Variants in PIP4K2A observed in about 807,000 individuals in gnomAD.
The protein encoded by PIP4K2A is phosphatidylinositol 5-phosphate 4-kinase type-2 alpha.
In PIP4K2A, 14 loss-of-function variants were observed where a neutral mutation model predicts 42.9. That is an observed-to-expected ratio of 0.33 (90% CI 0.22 to 0.51). The LOEUF (loss-of-function observed/expected upper bound fraction) is 0.51. Ranked by LOEUF, PIP4K2A falls within the 20% of genes least tolerant of loss-of-function variation. The pLI, the probability that PIP4K2A is intolerant of heterozygous loss-of-function variation, is 0.97. For missense variants in PIP4K2A, 434 were observed against 519.8 expected (o/e 0.83, Z 1.61); for synonymous variants, 192 against 192.2 (o/e 1.00, Z 0.01).
At chr10:22,551,089 T>G (rs1323054473) in intron 6 of PIP4K2A, among the ~76,000 whole-genome samples, 2 of 152,228 alleles carry the variant, frequency 1.3e-5, no homozygotes, top group Admixed American at 6.5e-5. Context: ...AGACTCACTT[T>G]CTTACAAGAA....
Position 22,637,765 on chromosome 10 carries a change from G to A in PIP4K2A, c.145-28048C>T, listed in dbSNP as rs149038748. On this transcript the variant is annotated intron_variant, in intron 1 of 9. Transcript: ENST00000376573. The stretch of plus-strand genomic sequence containing the variant: ...ACAAGCCACCAAAGCAAAGCAACTC[G>A]GCCACAAAGAGTGTAAAATCCCACA... Among the ~76,000 whole-genome samples the A allele has an allele frequency of 1.2e-3, 185 of 152,208 alleles. 2 individuals carry two copies. The highest frequency in any genetic ancestry group is 4.1e-3 in the African/African-American group (171 of 41,524).
intron 1 of PIP4K2A, among the ~76,000 whole-genome samples, chr10:22,623,658 T>C (rs1174017088): frequency 1.3e-5 from 2 of 152,158 alleles, no homozygotes; most frequent in Non-Finnish European, 2.9e-5. Context: ...TTGCAACCAA[T>C]TGTAGGTTAC....
intron 6 of PIP4K2A, 46 bp from the exon 7 acceptor site, chr10:22,550,818 C>A: frequency 8.4e-7 from 1 of 1,190,616 alleles, no homozygotes. Flanking sequence ...TGAAGAAAAC[C>A]TAAAAAAACC....
At chr10:22,704,169 A>G (rs1439608146) in intron 1 of PIP4K2A, among the ~76,000 whole-genome samples, 1 of 152,220 alleles carries the variant, frequency 6.6e-6, no homozygotes, top group Non-Finnish European at 1.5e-5. Flanking sequence ...TCATGTAGGT[A>G]AAGTAAATGT....
intron 3 of PIP4K2A, among the ~76,000 whole-genome samples, chr10:22,595,919 T>A (rs1837623738): frequency 1.3e-5 from 2 of 152,078 alleles, no homozygotes; most frequent in Non-Finnish European, 2.9e-5. Flanking sequence ...AAAATGGATT[T>A]ACTCAGCCGG....
chr10:22,591,795 G>A lies in PIP4K2A; in HGVS notation c.340-14C>T, dbSNP rs897737363. 1 of 1,597,978 alleles carries A rather than the reference G, an allele frequency of 6.3e-7. No individual in the cohort carries two copies. On this transcript the variant is annotated splice_polypyrimidine_tract_variant and intron_variant, in intron 3 of 9. Coordinates refer to ENST00000376573, the MANE Select transcript of PIP4K2A (RefSeq NM_005028.5). ...GGTCAGGGAATTCTTCCCGGGTGGG[G>A]TAAGAGGGGAAGGAAGGCGGGGGAA...
chr10:22,592,541 G>A (rs1185703558), intron 3 of PIP4K2A, among the ~76,000 whole-genome samples: 1 of 152,136 alleles, frequency 6.6e-6, no homozygotes, highest in South Asian at 2.1e-4. Context: ...GAGAACTACT[G>A]ATCTCCTGGA....
intron 1 of PIP4K2A, among the ~76,000 whole-genome samples, chr10:22,666,712 CT>C (rs2130849540): frequency 6.6e-6 from 1 of 152,216 alleles, no homozygotes; most frequent in East Asian, 1.9e-4. Flanking sequence ...TTCTTTTTTT[CT>C]TTCTGCAGGC....
intron 1 of PIP4K2A, among the ~76,000 whole-genome samples, chr10:22,712,989 A>T (rs892235551): frequency 1.3e-5 from 2 of 151,602 alleles, no homozygotes; most frequent in African/African-American, 4.9e-5. Flanking sequence ...TGTCATTTCC[A>T]TTACGCTGAA....
At chr10:22,541,334 G>C (rs765157614) in intron 8 of PIP4K2A, among the ~76,000 whole-genome samples, 53 of 152,298 alleles carry the variant, frequency 3.5e-4, no homozygotes, top group South Asian at 1.0e-3. Context: ...GACAAGCTAA[G>C]GGTCACAGAG....
At chr10:22,636,036 C>G (rs1224414480) in intron 1 of PIP4K2A, among the ~76,000 whole-genome samples, 2 of 152,096 alleles carry the variant, frequency 1.3e-5, no homozygotes, top group Non-Finnish European at 2.9e-5. Flanking sequence ...TTATTTAAAG[C>G]TTTAGGAAAA....
rs138329802 is a variant in PIP4K2A, at chr10:22,593,139, T to C, written c.340-1358A>G. ...TGCAGGGGTTTACGCAGGCCCTACC[T>C]ATGCCTGAAGAGAAAAGTGGCCCAT... On this transcript the variant is annotated intron_variant, in intron 3 of 9. Transcript: ENST00000376573. 8.8e-3 allele frequency among the ~76,000 whole-genome samples: 1,346 copies of C among 152,306 alleles called. 17 individuals are homozygous for C. Among genetic ancestry groups the C allele is most frequent in the African/African-American group, 0.03 (1,242 of 41,552 alleles).
Position 22,536,228 on chromosome 10 carries a change from T to G in PIP4K2A, c.*973A>C. 2.5e-6 allele frequency: 1 copy of G among 397,754 alleles called. No homozygotes were observed. The highest frequency in any genetic ancestry group is 4.4e-6 in the Non-Finnish European group (1 of 225,698). 24.6% of individuals were successfully genotyped at this position (397,754 alleles called of 1,614,324 possible). On this transcript the variant is annotated 3_prime_UTR_variant, in exon 10 of 10. Coordinates refer to ENST00000376573, the MANE Select transcript of PIP4K2A (RefSeq NM_005028.5). ...TTGGTAACAGGAGAATTGAGAGTTTTGATGCTTTGCTGGTTTTCCCACAGT... is the reference window on the plus strand; with the variant it reads ...TTGGTAACAGGAGAATTGAGAGTTTGGATGCTTTGCTGGTTTTCCCACAGT...
chr10:22,589,913 G>A (rs1015529536), intron 4 of PIP4K2A, among the ~76,000 whole-genome samples: 1 of 152,216 alleles, frequency 6.6e-6, no homozygotes, highest in Non-Finnish European at 1.5e-5. Flanking sequence ...GCTATGAATG[G>A]AAAGTTTGTG....
intron 1 of PIP4K2A, chr10:22,691,937 A>G (rs1224375970): frequency 1.3e-5 from 2 of 152,268 alleles, no homozygotes; most frequent in Non-Finnish European, 2.9e-5. Flanking sequence ...GCAGTCCCCA[A>G]CCTTTCAGGC....
intron 1 of PIP4K2A, among the ~76,000 whole-genome samples, chr10:22,677,617 T>C (rs556069275): frequency 6.6e-6 from 1 of 152,306 alleles, no homozygotes; most frequent in African/African-American, 2.4e-5. Flanking sequence ...TCATGCGTAT[T>C]CCCTCTACTT....
At chr10:22,668,119 T>C (rs1296971887) in intron 1 of PIP4K2A, among the ~76,000 whole-genome samples, 1 of 152,084 alleles carries the variant, frequency 6.6e-6, no homozygotes, top group Non-Finnish European at 1.5e-5. Flanking sequence ...TCCCAGCTGA[T>C]TTTTGTATTT....
chr10:22,556,517 T>C lies in PIP4K2A; in HGVS notation c.679-5745A>G, dbSNP rs534573899. ...TCTTTATTCAATATATGGAATAAAA[T>C]GTAATGATTTTACGTATCTGGCCAA... On this transcript the variant is annotated intron_variant, in intron 6 of 9. Transcript: ENST00000376573. Among the ~76,000 whole-genome samples, 105 of 152,340 alleles carry C rather than the reference T, an allele frequency of 6.9e-4. 1 individual carries two copies. The highest frequency in any genetic ancestry group is 3.4e-3 in the Middle Eastern group (1 of 294).
chr10:22,693,373 G>A (rs370690991), intron 1 of PIP4K2A, among the ~76,000 whole-genome samples: 3 of 151,846 alleles, frequency 2.0e-5, no homozygotes, highest in African/African-American at 7.3e-5. Flanking sequence ...ATACATACAA[G>A]GATTTCACCA....
Sources: gnomAD v4.1 joint callset for allele counts (sites outside exome capture counted in the v4.1 genomes callset) on GRCh38, gnomAD v4.1.1 for gene constraint, MANE v1.5 for transcripts, NCBI Gene and HGNC (gene_info 2026-07-23, HGNC 2026-07-21) for gene names.